The following SRGAP2C variants were observed in gnomAD, a reference collection of about 807,000 sequenced individuals.
SRGAP2C encodes SLIT-ROBO Rho GTPase activating protein 2C, also known as SLIT-ROBO Rho GTPase-activating protein 2C.
Under a neutral mutation model 25.1 loss-of-function variants are expected in SRGAP2C, and 15 were observed. The ratio of observed to expected loss-of-function variants is 0.60; its 90% confidence interval spans 0.40 to 0.92. The LOEUF is 0.92. Ranked by LOEUF, SRGAP2C falls within the 40% of genes least tolerant of loss-of-function variation. The pLI is 0.00. For missense variants in SRGAP2C, 144 were observed against 264.4 expected (o/e 0.54, Z 3.16); for synonymous variants, 44 against 96.6 (o/e 0.46, Z 3.19).
At chr1:121,222,758 G>A (rs1384447892) in intron 2 of SRGAP2C, among the ~76,000 whole-genome samples, 4 of 152,138 alleles carry the variant, frequency 2.6e-5, no homozygotes, top group African/African-American at 9.7e-5. Context: ...AGACGGGAGT[G>A]GCTAGCCCTT....
At chr1:121,208,160 T>C (rs1553322850) in intron 2 of SRGAP2C, among the ~76,000 whole-genome samples, 2 of 152,234 alleles carry the variant, frequency 1.3e-5, no homozygotes, top group African/African-American at 4.8e-5. Context: ...ATATTAAGAT[T>C]TTATTTGCTG....
At chr1:121,305,975 G>A (rs1553339387) in intron 3 of SRGAP2C, among the ~76,000 whole-genome samples, 2 of 152,200 alleles carry the variant, frequency 1.3e-5, no homozygotes, top group African/African-American at 2.4e-5. Flanking sequence ...GGATGGGACT[G>A]TGTTGATAAT....
chr1:121,255,258 A>C (rs1233311120), intron 2 of SRGAP2C, among the ~76,000 whole-genome samples: 1 of 150,282 alleles, frequency 6.7e-6, no homozygotes, highest in Non-Finnish European at 1.5e-5. Flanking sequence ...GGAACTCTTC[A>C]TTTTCGTAAA....
chr1:121,300,224 A>G lies in SRGAP2C; in HGVS notation c.260+15229A>G, dbSNP rs1657674491. Among the ~76,000 whole-genome samples, 4 of 85,300 alleles carry G rather than the reference A, an allele frequency of 4.7e-5. 2 individuals carry two copies. The highest frequency in any genetic ancestry group is 9.8e-5 in the Non-Finnish European group (4 of 40,622). The allele number at this position is 85,300 out of a possible 152,430, so 56.0% of individuals were successfully genotyped here. A position where few individuals can be genotyped will look rare whatever the true frequency, so the allele number is the denominator to read the frequency against. On this transcript the variant is annotated intron_variant, in intron 3 of 9. Coordinates refer to ENST00000367123, the MANE Select transcript of SRGAP2C (RefSeq NM_001329984.2). ...AGGCTGGGTAATTTCTACAGAAAAA[A>G]GGTTTGATTGGCTCATGGTTCTGCA...
intron 3 of SRGAP2C, among the ~76,000 whole-genome samples, chr1:121,297,943 G>A (rs1657630061): frequency 6.8e-6 from 1 of 146,942 alleles, no homozygotes; most frequent in Middle Eastern, 3.5e-3. Flanking sequence ...GAGCACAGCT[G>A]TACTGGGTAA....
intron 4 of SRGAP2C, among the ~76,000 whole-genome samples, chr1:121,348,503 T>C (rs1314680951): frequency 6.6e-6 from 1 of 152,098 alleles, no homozygotes; most frequent in Admixed American, 6.5e-5. Flanking sequence ...TCTGCTTGTA[T>C]GATTCTCTTT....
At chr1:121,371,910 A>C (rs1200185011) in intron 5 of SRGAP2C, among the ~76,000 whole-genome samples, 2 of 149,778 alleles carry the variant, frequency 1.3e-5, no homozygotes, top group Non-Finnish European at 3.0e-5. Context: ...AAAGAGAAAA[A>C]AAAGAGGAGC....
rs1404986954 is a variant in SRGAP2C, at chr1:121,208,636, C to A, written c.67+21123C>A. 2.0e-5 allele frequency among the ~76,000 whole-genome samples: 3 copies of A among 152,134 alleles called. No individual in the cohort carries two copies. The East Asian group carries it at 5.8e-4, about 29-fold the overall frequency. On this transcript the variant is annotated intron_variant, in intron 2 of 9. Coordinates refer to ENST00000367123, the MANE Select transcript of SRGAP2C (RefSeq NM_001329984.2). ...TTTAACAAAATGAGGTCATACCAATCACACTATTTTGCACGTATTTGTTTA... is the reference window on the plus strand; with the variant it reads ...TTTAACAAAATGAGGTCATACCAATAACACTATTTTGCACGTATTTGTTTA...
chr1:121,285,404 T>TCTCACACACACACACACACACACA, intron 3 of SRGAP2C, among the ~76,000 whole-genome samples: 1 of 124,554 alleles, frequency 8.0e-6, no homozygotes, highest in African/African-American at 2.9e-5. Flanking sequence ...TCTCTCTCTC[T>TCTCACACACACACACACACACACA]CACACACACA....
intron 2 of SRGAP2C, among the ~76,000 whole-genome samples, chr1:121,212,209 C>A (rs868985823): frequency 1.0e-4 from 11 of 109,098 alleles, no homozygotes; most frequent in African/African-American, 4.2e-4. Flanking sequence ...CGGCTCACTG[C>A]AACCTCCACC....
intron 5 of SRGAP2C, among the ~76,000 whole-genome samples, chr1:121,368,142 G>A (rs1169409974): frequency 6.6e-5 from 7 of 106,634 alleles, no homozygotes; most frequent in Admixed American, 1.0e-4. Flanking sequence ...AGTGGCTCAT[G>A]CCCGTAATCC....
chr1:121,300,416 T>C (rs1657678722), intron 3 of SRGAP2C, among the ~76,000 whole-genome samples: 2 of 141,716 alleles, frequency 1.4e-5, no homozygotes, highest in Non-Finnish European at 3.1e-5. Flanking sequence ...GTGAACTAAG[T>C]GAGCATGAAC....
chr1:121,374,751 C>T (rs1367419669), intron 6 of SRGAP2C, 75 bp from the exon 7 acceptor site: 122 of 719,326 alleles, frequency 1.7e-4, no homozygotes, highest in South Asian at 3.3e-4. Context: ...CTTGAATACA[C>T]TGTACTTTTA....
chr1:121,362,721 G>A, intron 4 of SRGAP2C: 1 of 150,496 alleles, frequency 6.6e-6, no homozygotes, highest in Admixed American at 6.6e-5. Flanking sequence ...TGACTCTGGG[G>A]CTCAGAGTGA....
At chr1:121,312,267 G>A (rs1430756012) in intron 3 of SRGAP2C, among the ~76,000 whole-genome samples, 1,757 of 43,542 alleles carry the variant, frequency 0.04, 275 homozygotes, top group African/African-American at 0.15. Flanking sequence ...GATCAGTGGT[G>A]ATATCCCCTT....
At chr1:121,329,761 G>T (rs1658394882) in intron 4 of SRGAP2C, among the ~76,000 whole-genome samples, 1 of 151,744 alleles carries the variant, frequency 6.6e-6, no homozygotes, top group Admixed American at 6.6e-5. Context: ...TTTACATTTT[G>T]CATGAAGCCA....
At chr1:121,249,573 TATATA>T (rs1279749652) in intron 2 of SRGAP2C, among the ~76,000 whole-genome samples, 4 of 19,106 alleles carry the variant, frequency 2.1e-4, no homozygotes, top group Admixed American at 7.7e-4. Flanking sequence ...TATATATATA[TATATA>T]TATTTTTTTT....
rs587615954 is a variant in SRGAP2C, at chr1:121,269,549, CT to C, written c.68-15251del. Among the ~76,000 whole-genome samples the C allele has an allele frequency of 1.8e-4, 27 of 149,584 alleles. No homozygotes were observed. The South Asian group carries it at 5.3e-3, about 29-fold the overall frequency. On this transcript the variant is annotated intron_variant, in intron 2 of 9. Transcript: ENST00000367123. Reference sequence around the variant, plus strand: ...TGGATTTGGTAATGGTGCATATGGACTTTCTCTTCCAGTGTTAACATTTGGT... The same window carrying C: ...TGGATTTGGTAATGGTGCATATGGACTTCTCTTCCAGTGTTAACATTTGGT...
At chr1:121,295,738 TTG>T in intron 3 of SRGAP2C, among the ~76,000 whole-genome samples, 1 of 131,808 alleles carries the variant, frequency 7.6e-6, no homozygotes. Context: ...TTTGTTTTTG[TTG>T]TTGTTGTTGT....
Sources: gnomAD v4.1 joint callset for allele counts (sites outside exome capture counted in the v4.1 genomes callset) on GRCh38, gnomAD v4.1.1 for gene constraint, MANE v1.5 for transcripts, NCBI Gene and HGNC (gene_info 2026-07-23, HGNC 2026-07-21) for gene names.